TMEM131L: variants seen among roughly 807,000 people sequenced by gnomAD.
The protein encoded by TMEM131L is transmembrane 131 like.
A neutral mutation model predicts 192.2 loss-of-function variants in TMEM131L; 54 were observed. The observed-to-expected ratio is 0.28, with a 90% CI of 0.23 to 0.35. The LOEUF (loss-of-function observed/expected upper bound fraction) is 0.35, where lower values mean the gene tolerates loss of function less well. Among genes scored for constraint, TMEM131L ranks in the 10% least tolerant of loss-of-function variants. The pLI, the probability that TMEM131L is intolerant of heterozygous loss-of-function variation, is 1.00. For missense variants in TMEM131L, 1,888 were observed against 1,972.9 expected, an observed-to-expected ratio of 0.96 and a Z score of 0.82; for synonymous variants, 701 against 704.9, an observed-to-expected ratio of 0.99 and a Z score of 0.09.
At chr4:153,611,959 C>T (rs554924204) in intron 25 of TMEM131L, among the ~76,000 whole-genome samples, 1 of 152,256 alleles carries the variant, frequency 6.6e-6, no homozygotes, top group South Asian at 2.1e-4. Context: ...CGTCAATGGA[C>T]ACTTGGCATT....
chr4:153,526,369 G>A (rs1735482608), intron 3 of TMEM131L, among the ~76,000 whole-genome samples: 1 of 152,026 alleles, frequency 6.6e-6, no homozygotes, highest in Admixed American at 6.6e-5. Flanking sequence ...TGTTTTTTGA[G>A]CACTCCCTCC....
chr4:153,588,341 T>TTG (rs942501559), intron 15 of TMEM131L, among the ~76,000 whole-genome samples: 8 of 150,148 alleles, frequency 5.3e-5, no homozygotes, highest in African/African-American at 2.0e-4. Context: ...AGTATAGTTT[T>TTG]TTTTTTTTTT....
At chr4:153,517,379 G>A (rs182160108) in intron 3 of TMEM131L, among the ~76,000 whole-genome samples, 40 of 152,238 alleles carry the variant, frequency 2.6e-4, no homozygotes, top group Admixed American at 6.5e-4. Context: ...TCCCTTGCAC[G>A]GGTCCTTTAC....
intron 7 of TMEM131L, among the ~76,000 whole-genome samples, chr4:153,571,456 C>T (rs1578770319): frequency 6.6e-6 from 1 of 152,270 alleles, no homozygotes; most frequent in East Asian, 1.9e-4. Context: ...CTTGGTGTAG[C>T]CGCCTCAGTC....
rs779247692 is a variant in TMEM131L at position 153,634,207 on chromosome 4, T to G, written c.4344T>G (p.Ser1448Arg). The change falls in exon 33 of 35, where the codon AGT (serine) becomes AGG (arginine). Residue 1448 changes from serine (S) to arginine (R), a missense_variant. Ser to Arg is a moderately radical substitution (Grantham distance 110). Coordinates refer to ENST00000409959, the MANE Select transcript of TMEM131L (RefSeq NM_001131007.2). The stretch of plus-strand genomic sequence containing the variant: ...TTTGTGGCAGTTTCATTGATTGGAG[T>G]GCAACATGCGAAGGCCAGTTTTCCA... ...APVHNSFIDW[S>R]ATCEGQFSSA... is the part of the protein sequence containing the mutation. 12 of 1,613,962 alleles carry G rather than the reference T, an allele frequency of 7.4e-6. No individual in the cohort carries two copies. The East Asian group carries it at 2.7e-4, about 36-fold the overall frequency.
In TMEM131L at chr4:153,558,402, G is replaced by A. The variant is rs376377173; in HGVS notation, c.660+34G>A. ...AATAGATTTACTTTGAATGCTGGTGGCCACCAAACTTTGTAACCTTCTCAG... is the reference window on the plus strand; with the variant it reads ...AATAGATTTACTTTGAATGCTGGTGACCACCAAACTTTGTAACCTTCTCAG... On this transcript the variant is annotated intron_variant, in intron 7 of 34. Transcript: ENST00000409959. 1.9e-5 allele frequency: 25 copies of A among 1,326,564 alleles called. No individual in the cohort carries two copies. The African/African-American group carries it at 2.9e-4, about 15-fold the overall frequency. The allele number at this position is 1,326,564 out of a possible 1,614,324, so 82.2% of individuals were successfully genotyped here.
intron 13 of TMEM131L, 59 bp from the exon 14 acceptor site, chr4:153,586,150 T>C: frequency 3.2e-6 from 4 of 1,234,372 alleles, no homozygotes; most frequent in Non-Finnish European, 4.5e-6. Flanking sequence ...TACTTTATAA[T>C]GATTTTAATC....
chr4:153,623,920 C>G (rs531562893), intron 29 of TMEM131L, among the ~76,000 whole-genome samples: 1 of 151,422 alleles, frequency 6.6e-6, no homozygotes, highest in Non-Finnish European at 1.5e-5. Context: ...TTTAAATCAT[C>G]TGTTCACTTC....
chr4:153,597,184 T>C (rs1176651764), intron 20 of TMEM131L, among the ~76,000 whole-genome samples: 2 of 152,070 alleles, frequency 1.3e-5, no homozygotes, highest in South Asian at 4.1e-4. Context: ...TCAGAGTTTA[T>C]TCATTAAGCA....
chr4:153,607,796 A>C (rs1376558918), intron 25 of TMEM131L, among the ~76,000 whole-genome samples: 1 of 152,186 alleles, frequency 6.6e-6, no homozygotes, highest in East Asian at 1.9e-4. Flanking sequence ...TTGACTACAT[A>C]CTTGCCATCA....
At chr4:153,512,473 A>G (rs1469381869) in intron 3 of TMEM131L, among the ~76,000 whole-genome samples, 1 of 152,236 alleles carries the variant, frequency 6.6e-6, no homozygotes, top group Non-Finnish European at 1.5e-5. Flanking sequence ...TTTAAGTCAT[A>G]GCAACATTTT....
At chr4:153,571,089 C>T (rs1365956830) in intron 7 of TMEM131L, among the ~76,000 whole-genome samples, 2 of 151,492 alleles carry the variant, frequency 1.3e-5, no homozygotes, top group African/African-American at 2.4e-5. Context: ...AGATTTTTTT[C>T]GGTGTGTTCT....
chr4:153,570,750 C>G (rs1729533135), intron 7 of TMEM131L, among the ~76,000 whole-genome samples: 1 of 152,210 alleles, frequency 6.6e-6, no homozygotes, highest in Admixed American at 6.5e-5. Context: ...TTGCCTCTCA[C>G]TGTGGACTTG....
intron 3 of TMEM131L, among the ~76,000 whole-genome samples, chr4:153,512,948 T>A (rs887246087): frequency 3.3e-5 from 5 of 152,254 alleles, no homozygotes; most frequent in Admixed American, 2.0e-4. Context: ...ATGTGCAGGC[T>A]ATCTGCATGA....
intron 4 of TMEM131L, among the ~76,000 whole-genome samples, chr4:153,551,942 C>G (rs1462204057): frequency 6.6e-6 from 1 of 152,138 alleles, no homozygotes; most frequent in African/African-American, 2.4e-5. Context: ...AGCGCGGTGG[C>G]TCACACCTGT....
At chr4:153,536,197 G>A (rs1237785422) in intron 3 of TMEM131L, among the ~76,000 whole-genome samples, 5 of 152,318 alleles carry the variant, frequency 3.3e-5, no homozygotes, top group East Asian at 1.9e-4. Flanking sequence ...CACTGGGGGG[G>A]TTAACAAGCT....
intron 28 of TMEM131L, among the ~76,000 whole-genome samples, chr4:153,622,355 C>T (rs1733489088): frequency 2.6e-5 from 4 of 152,138 alleles, no homozygotes; most frequent in African/African-American, 9.7e-5. Flanking sequence ...GGGGTTGCAA[C>T]CCTCCCAACC....
chr4:153,511,932 A>T (rs1363686452), intron 3 of TMEM131L, among the ~76,000 whole-genome samples: 1 of 152,230 alleles, frequency 6.6e-6, no homozygotes, highest in African/African-American at 2.4e-5. Flanking sequence ...TAAACATTTA[A>T]TACTGATTTT....
chr4:153,559,593 C>T (rs1423225542), intron 7 of TMEM131L, among the ~76,000 whole-genome samples: 2 of 152,076 alleles, frequency 1.3e-5, no homozygotes, highest in Non-Finnish European at 2.9e-5. Flanking sequence ...GCTAGAACAG[C>T]GTACCCATTC....
Sources: gnomAD v4.1 joint callset for allele counts (sites outside exome capture counted in the v4.1 genomes callset) on GRCh38, gnomAD v4.1.1 for gene constraint, MANE v1.5 for transcripts, NCBI Gene and HGNC (gene_info 2026-07-23, HGNC 2026-07-21) for gene names.